Variants in BCLAF3 observed in about 807,000 individuals in gnomAD.
BCLAF3 encodes transient octamer binding factor 1.
A neutral mutation model predicts 51.2 loss-of-function variants in BCLAF3; 24 were observed. The ratio of observed to expected loss-of-function variants is 0.47; its 90% CI spans 0.34 to 0.66. BCLAF3 has a LOEUF of 0.66. Among genes scored for constraint, BCLAF3 ranks in the 30% least tolerant of loss-of-function variants. BCLAF3 has a pLI of 0.01. For synonymous variants in BCLAF3, 152 were observed against 176.6 expected (o/e 0.86, Z 1.10); for missense variants, 465 against 525.1 (o/e 0.89, Z 1.12).
In BCLAF3 at chrX:19,966,557, C is replaced by G; in HGVS notation, c.134G>C (p.Arg45Thr). 2.5e-6 allele frequency: 3 copies of G among 1,211,309 alleles called. No individual in the cohort carries two copies. Among genetic ancestry groups the G allele is most frequent in the Non-Finnish European group, 3.4e-6 (3 of 895,363 alleles). Residue 45 changes from arginine (R) to threonine (T), a missense_variant, in exon 3 of 12, where the codon AGA becomes ACA. Coordinates refer to ENST00000379682, the MANE Select transcript of BCLAF3 (RefSeq NM_001367774.2). Reference protein sequence around the residue: ...YGCEYRKDPKRPVAWRMDSEK... With the variant: ...YGCEYRKDPKTPVAWRMDSEK... Reference sequence around the variant, plus strand: ...ACTGTCCATTCTCCACGCGACGGGTCTTTTTGGATCCTTCCTATATTCACA... The same window carrying G: ...ACTGTCCATTCTCCACGCGACGGGTGTTTTTGGATCCTTCCTATATTCACA...
intron 11 of BCLAF3, chrX:19,929,036 T>C (rs186564200): frequency 1.8e-5 from 2 of 111,765 alleles, no homozygotes; most frequent in Non-Finnish European, 3.8e-5. Context: ...CAATATATTG[T>C]ACACCTGAAA....
At chrX:19,951,212 T>C (rs1356585609) in intron 7 of BCLAF3, among the ~76,000 whole-genome samples, 2 of 110,805 alleles carry the variant, frequency 1.8e-5, no homozygotes, top group Non-Finnish European at 3.8e-5. Context: ...AAATAAATCA[T>C]GGTAAACTTA....
intron 11 of BCLAF3, among the ~76,000 whole-genome samples, 188 bp from the exon 12 acceptor site, chrX:19,917,522 G>A (rs772957006): frequency 1.8e-5 from 2 of 111,461 alleles, no homozygotes; most frequent in East Asian, 2.8e-4. Flanking sequence ...AAGCAATATC[G>A]CATGATAAAT....
chrX:19,955,628 C>A, intron 4 of BCLAF3, 62 bp from the exon 5 acceptor site: 3 of 982,770 alleles, frequency 3.1e-6, no homozygotes, highest in Non-Finnish European at 4.1e-6. Context: ...AAGAATTTAT[C>A]AAAAATTAAG....
chrX:19,936,084 G>C (rs780889297), intron 9 of BCLAF3, among the ~76,000 whole-genome samples, 186 bp from the exon 10 acceptor site: 2 of 111,836 alleles, frequency 1.8e-5, no homozygotes, highest in South Asian at 7.5e-4. Context: ...CCTCGACTTT[G>C]ACTAACATGA....
intron 1 of BCLAF3, among the ~76,000 whole-genome samples, chrX:19,990,467 C>CG (rs896042295): frequency 7.9e-5 from 9 of 113,896 alleles, no homozygotes; most frequent in Non-Finnish European, 1.7e-4. Flanking sequence ...AAGCGGGGTA[C>CG]GGGGGGGTCC....
chrX:19,974,265 C>T (rs909166880), intron 1 of BCLAF3, among the ~76,000 whole-genome samples: 1 of 112,664 alleles, frequency 8.9e-6, no homozygotes, highest in Non-Finnish European at 1.9e-5. Context: ...TAAAGTCGAA[C>T]ATGCCCATAT....
chrX:19,956,425 C>T (rs2071667141), intron 4 of BCLAF3, among the ~76,000 whole-genome samples: 1 of 111,421 alleles, frequency 9.0e-6, no homozygotes, highest in South Asian at 3.8e-4. Flanking sequence ...GTGCCACCAC[C>T]CTGAGACAAT....
At chrX:19,949,303 T>C (rs899270253) in intron 8 of BCLAF3, among the ~76,000 whole-genome samples, 27 of 112,082 alleles carry the variant, frequency 2.4e-4, no homozygotes, top group African/African-American at 8.7e-4. Context: ...GACAAAATAA[T>C]TTTCCCAAAG....
chrX:19,982,657 A>C (rs1480240577), intron 1 of BCLAF3, among the ~76,000 whole-genome samples: 1 of 110,891 alleles, frequency 9.0e-6, no homozygotes, highest in Non-Finnish European at 1.9e-5. Context: ...GTAAGTACAA[A>C]GGTAAACGAT....
chrX:19,976,469 C>T (rs902702044), intron 1 of BCLAF3, among the ~76,000 whole-genome samples: 8 of 111,355 alleles, frequency 7.2e-5, no homozygotes, highest in African/African-American at 2.6e-4. Flanking sequence ...CGGCTCCCTG[C>T]AGCCTCCGCC....
intron 4 of BCLAF3, among the ~76,000 whole-genome samples, chrX:19,957,967 G>A (rs1242744298): frequency 9.0e-6 from 1 of 111,346 alleles, no homozygotes; most frequent in African/African-American, 3.3e-5. Context: ...CTGTGGCATG[G>A]ATTGATTAAC....
intron 11 of BCLAF3, among the ~76,000 whole-genome samples, chrX:19,919,321 C>A (rs2070047200): frequency 8.9e-6 from 1 of 111,931 alleles, no homozygotes; most frequent in African/African-American, 3.2e-5. Context: ...TGAAGTTAAG[C>A]TCTTAAAAAA....
At chrX:19,940,366 C>T (rs866025046) in intron 8 of BCLAF3, among the ~76,000 whole-genome samples, 14 of 108,791 alleles carry the variant, frequency 1.3e-4, no homozygotes, top group African/African-American at 4.4e-4. Context: ...CATGCTGGTG[C>T]GCTGCACCCA....
Position 19,991,018 on chromosome X carries a change from A to G in BCLAF3, c.-145T>C, listed in dbSNP as rs2148088954. The stretch of plus-strand genomic sequence containing the variant: ...TCACTCTGCCGCCGCCTCCCACAGC[A>G]GCGACACCCCAGCCACCTCTGCCGG... On this transcript the variant is annotated 5_prime_UTR_variant, in exon 1 of 12. Coordinates refer to ENST00000379682, the MANE Select transcript of BCLAF3 (RefSeq NM_001367774.2). Among the ~76,000 whole-genome samples the G allele has an allele frequency of 9.6e-6, 1 of 103,970 alleles. No individual in the cohort carries two copies. Among genetic ancestry groups the G allele is most frequent in the South Asian group, 4.2e-4 (1 of 2,392 alleles). 90.3% of individuals were successfully genotyped at this position (103,970 alleles called of 115,157 possible).
chrX:19,935,442 G>A, intron 10 of BCLAF3: 1 of 133,668 alleles, frequency 7.5e-6, no homozygotes, highest in Non-Finnish European at 1.5e-5. Context: ...GTGAATCTTG[G>A]AGAAAGCTCT....
rs1306523026 is a variant in BCLAF3, at chrX:19,945,837, G to T, written c.1745+4916C>A. On this transcript the variant is annotated intron_variant, in intron 8 of 11. Coordinates refer to ENST00000379682, the MANE Select transcript of BCLAF3 (RefSeq NM_001367774.2). ...CTTCCTGGCTGCTTTGTTTACCTAA[G>T]CAAGCCTGGGCAATGGTGGGCGCCC... Among the ~76,000 whole-genome samples the T allele has an allele frequency of 7.6e-5, 8 of 105,297 alleles. No individual in the cohort carries two copies. In the East Asian group the frequency reaches 1.5e-3, roughly 19 times the overall value. 91.4% of individuals were successfully genotyped at this position (105,297 alleles called of 115,157 possible).
chrX:19,919,683 C>T (rs994986631), intron 11 of BCLAF3, among the ~76,000 whole-genome samples: 1 of 109,376 alleles, frequency 9.1e-6, no homozygotes, highest in Admixed American at 9.8e-5. Context: ...ATGGTGAAAC[C>T]GTATTTCTAC....
intron 10 of BCLAF3, among the ~76,000 whole-genome samples, chrX:19,934,020 C>T (rs1404342610): frequency 2.7e-5 from 3 of 111,498 alleles, no homozygotes; most frequent in Admixed American, 1.9e-4. Context: ...AAGTGATCCA[C>T]CCGTCTCAGC....
Sources: allele counts gnomAD v4.1 joint callset (sites outside exome capture counted in the v4.1 genomes callset), GRCh38; gene constraint gnomAD v4.1.1; transcripts MANE v1.5; gene names NCBI Gene and HGNC (gene_info 2026-07-23, HGNC 2026-07-21).